APP: variants seen among roughly 807,000 people sequenced by gnomAD.
The protein encoded by APP is amyloid-beta precursor protein.
A neutral mutation model predicts 101.4 loss-of-function variants in APP; 31 were observed. That is an observed-to-expected ratio of 0.31 (90% confidence interval 0.23 to 0.41). The LOEUF (loss-of-function observed/expected upper bound fraction) is 0.41. Ranked by LOEUF, APP falls within the 10% of genes least tolerant of loss-of-function variation. The pLI is 1.00. For missense variants in APP, 839 were observed against 1,003.7 expected (o/e 0.84, Z 2.22); for synonymous variants, 366 against 364.4 (o/e 1.00, Z -0.05).
At chr21:25,998,225 G>T (rs868361058) in intron 7 of APP, among the ~76,000 whole-genome samples, 2 of 152,074 alleles carry the variant, frequency 1.3e-5, no homozygotes, top group African/African-American at 2.4e-5. Context: ...CTCTCCCACC[G>T]GCTAAACCAG....
intron 5 of APP, among the ~76,000 whole-genome samples, chr21:26,043,553 A>G (rs1451697678): frequency 4.6e-5 from 7 of 152,228 alleles, no homozygotes; most frequent in African/African-American, 1.4e-4. Context: ...TTTAAAGACC[A>G]GTTAGTTTTG....
intron 13 of APP, among the ~76,000 whole-genome samples, chr21:25,931,920 A>G (rs2040166555): frequency 6.6e-6 from 1 of 152,222 alleles, no homozygotes; most frequent in Non-Finnish European, 1.5e-5. Context: ...CGTTCCCAAT[A>G]CTAGCAGAAC....
chr21:25,997,482 G>A (rs772534275), intron 7 of APP, 66 bp from the exon 8 acceptor site: 1 of 1,411,186 alleles, frequency 7.1e-7, no homozygotes, highest in Non-Finnish European at 1.0e-6. Flanking sequence ...TGGCTGAAAT[G>A]CACGAGTCCA....
At chr21:26,092,668 A>G (rs966370259) in intron 2 of APP, among the ~76,000 whole-genome samples, 1 of 152,182 alleles carries the variant, frequency 6.6e-6, no homozygotes, top group Non-Finnish European at 1.5e-5. Flanking sequence ...ACCCTCAGGG[A>G]AACTATGGAC....
chr21:25,981,925 T>C (rs1601105397), intron 9 of APP, among the ~76,000 whole-genome samples: 1 of 152,284 alleles, frequency 6.6e-6, no homozygotes, highest in Non-Finnish European at 1.5e-5. Flanking sequence ...TAAGTCTCTA[T>C]GATTTTACAG....
Position 25,911,895 on chromosome 21 carries a change from C to G in APP, c.1755G>C (p.Arg585Ser). 1.2e-6 allele frequency: 2 copies of G among 1,614,168 alleles called. No homozygotes were observed. The highest frequency in any genetic ancestry group is 1.7e-6 in the Non-Finnish European group (2 of 1,180,022). Residue 585 changes from arginine to serine, a missense_variant, in exon 14 of 18, where the codon AGG (arginine) becomes AGC (serine). Transcript: ENST00000346798. The stretch of plus-strand genomic sequence containing the variant: ...TGAGAGCATCGTTTCCGTAACTGAT[C>G]CTTGGTTCACTAATCATGTTGGCCA... ...DVLANMISEP[R>S]ISYGNDALMP...
At chr21:26,011,241 A>T (rs932777693) in intron 6 of APP, among the ~76,000 whole-genome samples, 15 of 151,810 alleles carry the variant, frequency 9.9e-5, no homozygotes, top group African/African-American at 3.6e-4. Flanking sequence ...ATGCCCGGCT[A>T]ATTTTTATAT....
At position 26,031,325 on chromosome 21, in the gene APP, C is replaced by G. The variant is rs575273460; in HGVS notation, c.663-9283G>C. 3.9e-5 allele frequency among the ~76,000 whole-genome samples: 6 copies of G among 152,266 alleles called. 1 individual carries two copies. Among genetic ancestry groups the G allele is most frequent in the Admixed American group, 3.3e-4 (5 of 15,296 alleles). On this transcript the variant is annotated intron_variant, in intron 5 of 17. Transcript: ENST00000346798. ...TCTTTTGGGGGCACTTTGTGAAGAC[C>G]TATTCCTTAGAAAGAAGAGAGAAGC... is the stretch of plus-strand genomic sequence containing the variant.
chr21:26,152,809 A>G (rs549302569), intron 1 of APP, among the ~76,000 whole-genome samples: 3 of 152,322 alleles, frequency 2.0e-5, no homozygotes, highest in Non-Finnish European at 2.9e-5. Context: ...CCCGGAGGAA[A>G]AGAAGTCATT....
intron 3 of APP, among the ~76,000 whole-genome samples, chr21:26,057,497 A>C (rs966893694): frequency 8.6e-5 from 13 of 151,656 alleles, no homozygotes; most frequent in Admixed American, 3.3e-4. Flanking sequence ...ACACACACAC[A>C]CACCCAACTG....
intron 6 of APP, among the ~76,000 whole-genome samples, chr21:26,001,993 T>C (rs981563382): frequency 1.3e-5 from 2 of 152,222 alleles, no homozygotes; most frequent in Non-Finnish European, 2.9e-5. Flanking sequence ...GCGAAGTAGA[T>C]GGGATACTTA....
At chr21:25,945,062 G>A (rs939169131) in intron 13 of APP, among the ~76,000 whole-genome samples, 3 of 152,210 alleles carry the variant, frequency 2.0e-5, no homozygotes, top group Admixed American at 2.0e-4. Context: ...CCATTTGGTT[G>A]AGGTGCCCAC....
intron 1 of APP, among the ~76,000 whole-genome samples, chr21:26,123,125 T>C (rs543165577): frequency 6.6e-6 from 1 of 152,326 alleles, no homozygotes; most frequent in East Asian, 1.9e-4. Context: ...TACAGAAATA[T>C]TGCAGGAACA....
At chr21:26,110,149 A>G (rs1265224707) in intron 2 of APP, among the ~76,000 whole-genome samples, 1 of 152,338 alleles carries the variant, frequency 6.6e-6, no homozygotes, top group Non-Finnish European at 1.5e-5. Flanking sequence ...GTTCTTGTAA[A>G]AATACATATA....
intron 1 of APP, among the ~76,000 whole-genome samples, chr21:26,150,521 C>G (rs781781633): frequency 2.0e-5 from 3 of 152,154 alleles, no homozygotes; most frequent in Non-Finnish European, 4.4e-5. Context: ...GACTGTGTCT[C>G]TATCCAGCTC....
intron 1 of APP, among the ~76,000 whole-genome samples, chr21:26,168,676 G>GT (rs1239824285): frequency 2.0e-5 from 3 of 152,304 alleles, no homozygotes; most frequent in African/African-American, 7.2e-5. Flanking sequence ...TTAATCTGTA[G>GT]TAAGACCATT....
intron 5 of APP, among the ~76,000 whole-genome samples, chr21:26,036,280 G>C (rs1440444410): frequency 1.5e-5 from 2 of 131,788 alleles, no homozygotes; most frequent in East Asian, 5.5e-4. Flanking sequence ...TGGGGGTGGG[G>C]GGTAGAACTG....
At chr21:26,151,831 G>T (rs146949517) in intron 1 of APP, among the ~76,000 whole-genome samples, 1 of 152,098 alleles carries the variant, frequency 6.6e-6, no homozygotes, top group Non-Finnish European at 1.5e-5. Flanking sequence ...GCCACAGACC[G>T]GTACCAGTCC....
At chr21:25,903,401 T>C (rs1454119446) in intron 15 of APP, among the ~76,000 whole-genome samples, 2 of 152,008 alleles carry the variant, frequency 1.3e-5, no homozygotes, top group Non-Finnish European at 2.9e-5. Flanking sequence ...AAAACAATTT[T>C]TTTAAAAAAG....
Sources: allele counts gnomAD v4.1 joint callset (sites outside exome capture counted in the v4.1 genomes callset), GRCh38; gene constraint gnomAD v4.1.1; transcripts MANE v1.5; gene names NCBI Gene and HGNC (gene_info 2026-07-23, HGNC 2026-07-21).